The following WNT7B variants were observed in gnomAD, a reference collection of about 807,000 sequenced individuals.
The protein encoded by WNT7B is Wnt family member 7B.
A neutral mutation model predicts 38.2 loss-of-function variants in WNT7B; 19 were observed. That is an observed-to-expected ratio of 0.50 (90% CI 0.35 to 0.73). WNT7B has a LOEUF of 0.73. Ranked by LOEUF, WNT7B falls within the 30% of genes least tolerant of loss-of-function variation. The pLI is 0.01. For synonymous variants in WNT7B, 243 were observed against 209.3 expected (o/e 1.16, Z -1.39); for missense variants, 423 against 507.9 (o/e 0.83, Z 1.61).
rs149350399 is a variant in WNT7B, at chr22:45,931,242, G to C, written c.426C>G (p.Asn142Lys). ...GCDREKQGYYNQAEGWKWGGC... is the reference protein window; with the variant it reads ...GCDREKQGYYKQAEGWKWGGC... ...CGCCCCACTTCCAGCCCTCGGCTTG[G>C]TTGTAGTAGCCCTGCTTCTCGCGGT... Residue 142 changes from asparagine (N) to lysine (K), a missense_variant, in exon 3 of 4, where the codon AAC becomes AAG. By Grantham distance (94) the Asn-to-Lys change is moderately conservative (BLOSUM62 0). Around this residue, in one of 3 missense-constraint regions of WNT7B, gnomAD observed 132 missense variants for 113.4 expected, o/e 1.16. Coordinates refer to ENST00000339464, the MANE Select transcript of WNT7B (RefSeq NM_058238.3). The C allele has an allele frequency of 2.7e-5, 43 of 1,599,250 alleles. No individual in the cohort carries two copies. The African/African-American group carries it at 5.6e-4, about 21-fold the overall frequency.
At chr22:45,957,120 A>AG (rs1664342797) in intron 1 of WNT7B, among the ~76,000 whole-genome samples, 1 of 150,650 alleles carries the variant, frequency 6.6e-6, no homozygotes, top group African/African-American at 2.5e-5. Flanking sequence ...AAAAAAAAAA[A>AG]AAAAATCCCC....
At chr22:45,957,520 C>T (rs1178011037) in intron 1 of WNT7B, among the ~76,000 whole-genome samples, 22 of 151,542 alleles carry the variant, frequency 1.5e-4, no homozygotes, top group Admixed American at 1.4e-3. Flanking sequence ...TGTGTCTCTA[C>T]TAAATATACA....
intron 2 of WNT7B, among the ~76,000 whole-genome samples, chr22:45,946,014 C>T (rs558558868): frequency 1.1e-4 from 16 of 152,306 alleles, no homozygotes; most frequent in Admixed American, 2.6e-4. Flanking sequence ...CCCAAGAGCA[C>T]GCAGTCGCTG....
intron 1 of WNT7B, among the ~76,000 whole-genome samples, chr22:45,950,795 A>C (rs747317519): frequency 2.6e-5 from 4 of 152,224 alleles, no homozygotes; most frequent in Non-Finnish European, 5.9e-5. Flanking sequence ...ACAGGGAGAA[A>C]GCCCGCACCG....
chr22:45,972,124 GC>G (rs1569127229), intron 1 of WNT7B: 4 of 158,904 alleles, frequency 2.5e-5, no homozygotes, highest in Admixed American at 2.3e-4. Context: ...GAGCCCACCC[GC>G]CCACCCCGCA....
At chr22:45,962,853 C>T (rs1462726851) in intron 1 of WNT7B, among the ~76,000 whole-genome samples, 1 of 152,246 alleles carries the variant, frequency 6.6e-6, no homozygotes. Context: ...AACCTCAGGA[C>T]AGATGGGTGG....
At chr22:45,929,584 C>G (rs1441194089) in intron 3 of WNT7B, among the ~76,000 whole-genome samples, 1 of 143,088 alleles carries the variant, frequency 7.0e-6, no homozygotes, top group Non-Finnish European at 1.6e-5. Flanking sequence ...ATCCATACTT[C>G]CATCCATTCA....
chr22:45,928,572 C>T (rs1055564901), intron 3 of WNT7B, among the ~76,000 whole-genome samples: 1 of 151,978 alleles, frequency 6.6e-6, no homozygotes, highest in Non-Finnish European at 1.5e-5. Flanking sequence ...CTGTGGCTGT[C>T]CTCTTTGTCT....
At chr22:45,936,789 C>T (rs1035971949) in intron 2 of WNT7B, among the ~76,000 whole-genome samples, 2 of 152,220 alleles carry the variant, frequency 1.3e-5, no homozygotes, top group African/African-American at 4.8e-5. Context: ...GGGACCCTGG[C>T]AGATCTTTGT....
At chr22:45,945,632 C>T (rs1035791627) in intron 2 of WNT7B, among the ~76,000 whole-genome samples, 7 of 152,244 alleles carry the variant, frequency 4.6e-5, no homozygotes, top group South Asian at 2.1e-4. Context: ...CTCGAGACCT[C>T]GTCCCTGCTG....
chr22:45,928,915 C>G (rs1046250283), intron 3 of WNT7B, among the ~76,000 whole-genome samples: 5 of 152,210 alleles, frequency 3.3e-5, no homozygotes, highest in African/African-American at 1.2e-4. Context: ...GCTATTCCCT[C>G]TGCCTGGAGT....
intron 2 of WNT7B, among the ~76,000 whole-genome samples, chr22:45,940,951 A>G (rs1406736126): frequency 6.6e-6 from 1 of 152,202 alleles, no homozygotes; most frequent in East Asian, 1.9e-4. Context: ...GAAGTCGGGG[A>G]CGGCCCTTGG....
intron 2 of WNT7B, among the ~76,000 whole-genome samples, chr22:45,939,632 A>AACACACACACACAC (rs56152359): frequency 0.022 from 3,227 of 144,748 alleles, 75 homozygotes; most frequent in African/African-American, 0.044. Flanking sequence ...TGTCTCTACA[A>AACACACACACACAC]ACACACACAC....
chr22:45,953,044 T>TACA (rs1569120456), intron 1 of WNT7B, among the ~76,000 whole-genome samples: 12 of 152,240 alleles, frequency 7.9e-5, no homozygotes, highest in African/African-American at 2.4e-5. Flanking sequence ...CTCAAGCTCC[T>TACA]GATTCCCTGG....
intron 1 of WNT7B, among the ~76,000 whole-genome samples, chr22:45,954,096 G>C (rs188941129): frequency 3.3e-5 from 5 of 152,210 alleles, no homozygotes; most frequent in Non-Finnish European, 5.9e-5. Flanking sequence ...GCAAAGCACT[G>C]GGTCATGCCA....
chr22:45,927,741 C>G (rs1170017359), intron 3 of WNT7B, among the ~76,000 whole-genome samples: 1 of 145,002 alleles, frequency 6.9e-6, no homozygotes, highest in Non-Finnish European at 1.5e-5. Flanking sequence ...ACTAACAATA[C>G]AGAAATTAGC....
intron 1 of WNT7B, among the ~76,000 whole-genome samples, chr22:45,959,125 G>A (rs1457623937): frequency 2.6e-5 from 4 of 152,216 alleles, no homozygotes; most frequent in East Asian, 1.9e-4. Flanking sequence ...GGTGGGTGAC[G>A]AGTGGCTGAC....
intron 1 of WNT7B, among the ~76,000 whole-genome samples, chr22:45,956,519 C>G (rs374473257): frequency 1.7e-3 from 256 of 152,340 alleles, no homozygotes; most frequent in African/African-American, 5.8e-3. Flanking sequence ...CTGCACCCAC[C>G]ACCGATGGGT....
At chr22:45,943,942 CTGGAGCCTTTGCCCACGGAA>C (rs1931733377) in intron 2 of WNT7B, among the ~76,000 whole-genome samples, 5 of 152,198 alleles carry the variant, frequency 3.3e-5, no homozygotes, top group Non-Finnish European at 5.9e-5. Flanking sequence ...GCCCAGGGCT[CTGGAGCCTTTGCCCACGGAA>C]CCCACGTGGG....
Sources: allele counts gnomAD v4.1 joint callset (sites outside exome capture counted in the v4.1 genomes callset), GRCh38; gene constraint gnomAD v4.1.1; regional missense constraint gnomAD v4.1.1; transcripts MANE v1.5; gene names NCBI Gene and HGNC (gene_info 2026-07-23, HGNC 2026-07-21).